ANKRD42: variants seen among roughly 807,000 people sequenced by gnomAD.
ANKRD42 encodes the protein ankyrin repeat domain 42, also known as ankyrin repeat domain-containing protein 42.
Under a neutral mutation model 51.5 loss-of-function variants are expected in ANKRD42, and 43 were observed. The ratio of observed to expected loss-of-function variants is 0.83; its 90% CI spans 0.65 to 1.08. The LOEUF is 1.08. Ranked by LOEUF, ANKRD42 falls within the 50% of genes least tolerant of loss-of-function variation. ANKRD42 has a pLI of 0.00. For synonymous variants in ANKRD42, 203 were observed against 213.0 expected, an observed-to-expected ratio of 0.95 and a Z score of 0.41; for missense variants, 608 against 629.3, an observed-to-expected ratio of 0.97 and a Z score of 0.36.
Position 83,194,659 on chromosome 11 carries a change from A to G in ANKRD42, c.-12A>G. 6.2e-7 allele frequency: 1 copy of G among 1,613,800 alleles called. No individual in the cohort carries two copies. Among genetic ancestry groups the G allele is most frequent in the Non-Finnish European group, 8.5e-7 (1 of 1,179,966 alleles). On this transcript the variant is annotated 5_prime_UTR_variant, in exon 1 of 11. Transcript: ENST00000533342. ...GGACTCAACTCCTCCCCAGAGTCGG[A>G]GGTGTTGCGCCATGCCCGGGGTGGC...
At chr11:83,242,488 TGGCTATGAGGTGTTAGAAAAAGAG>T (rs1230358220) in intron 9 of ANKRD42, among the ~76,000 whole-genome samples, 1 of 151,126 alleles carries the variant, frequency 6.6e-6, no homozygotes, top group Non-Finnish European at 1.5e-5. Context: ...CTGATAGATG[TGGCTATGAGGTGTTAGAAAAAGAG>T]GGTAATCAAG....
chr11:83,214,564 G>A lies in ANKRD42; in HGVS notation c.586+3134G>A, dbSNP rs147489842. 202 of 982,752 alleles carry A rather than the reference G, an allele frequency of 2.1e-4. No individual in the cohort carries two copies. In the African/African-American group the frequency reaches 3.3e-3, roughly 16 times the overall value. 60.9% of individuals were successfully genotyped at this position (982,752 alleles called of 1,614,324 possible). On this transcript the variant is annotated intron_variant, in intron 5 of 10. Coordinates refer to ENST00000533342, the MANE Select transcript of ANKRD42 (RefSeq NM_001300975.2). ...GTGGCCTTAGGTCTAGACTGCTTGT[G>A]TTCAAATCGCTCTCATAAAATTATT...
At chr11:83,211,559 G>A in intron 5 of ANKRD42, 129 bp downstream of exon 5, 1 of 1,043,240 alleles carries the variant, frequency 9.6e-7, no homozygotes, top group Non-Finnish European at 1.4e-6. Flanking sequence ...CACTTTGAGA[G>A]GCTGAGGCTG....
At chr11:83,209,955 A>G (rs1590972010) in intron 3 of ANKRD42, 2 of 366,664 alleles carry the variant, frequency 5.5e-6, no homozygotes, top group Non-Finnish European at 1.0e-5. Flanking sequence ...TGTTACAGGG[A>G]TCATGTAAAC....
downstream of ANKRD42, chr11:83,261,576 A>G (rs920557053): frequency 2.8e-5 from 5 of 177,252 alleles, no homozygotes; most frequent in African/African-American, 1.2e-4. Context: ...ACCAATACCC[A>G]CAAAATCCTG....
At chr11:83,247,219 CCTA>C (rs1350660016) in intron 10 of ANKRD42, among the ~76,000 whole-genome samples, 1 of 151,698 alleles carries the variant, frequency 6.6e-6, no homozygotes, top group East Asian at 1.9e-4. Flanking sequence ...AAAATTATTT[CCTA>C]CTAATGACTT....
In ANKRD42 at chr11:83,206,099, C is replaced by T. The variant is rs746607872; in HGVS notation, c.264C>T (p.His88=). The T allele has an allele frequency of 5.1e-5, 83 of 1,613,886 alleles. No individual in the cohort carries two copies. The Admixed American group carries it at 9.3e-4, about 18-fold the overall frequency. The change falls in exon 3 of 11, where the codon CAC becomes CAT. Residue 88 remains histidine, a synonymous_variant. Transcript: ENST00000533342. ...TCTGGCATGGAGCTGATATCACACACGTAACAACGAGAGGTTGGACAGCAT... is the reference window on the plus strand; with the variant it reads ...TCTGGCATGGAGCTGATATCACACATGTAACAACGAGAGGTTGGACAGCAT... ...WLLWHGADIT[H]VTTRGWTASH... is the part of the protein sequence containing the mutation.
intron 7 of ANKRD42, among the ~76,000 whole-genome samples, chr11:83,228,232 T>TG (rs1491391593): frequency 4.3e-4 from 5 of 11,512 alleles, no homozygotes; most frequent in African/African-American, 6.6e-4. Context: ...TCTCTCTCTC[T>TG]TTTTTTTTTT....
chr11:83,201,173 C>G (rs182428839), intron 2 of ANKRD42, among the ~76,000 whole-genome samples: 1 of 152,270 alleles, frequency 6.6e-6, no homozygotes, highest in Non-Finnish European at 1.5e-5. Flanking sequence ...CGACAGGCCC[C>G]AGTGTGTGAT....
chr11:83,251,307 G>A (rs1348199789), downstream of ANKRD42, among the ~76,000 whole-genome samples: 3 of 152,114 alleles, frequency 2.0e-5, no homozygotes, highest in Middle Eastern at 3.4e-3. Context: ...AGGGCTTCTC[G>A]TCATCTGTAT....
chr11:83,245,605 G>C lies in ANKRD42; in HGVS notation c.1303G>C (p.Glu435Gln). Residue 435 changes from glutamate (E) to glutamine (Q), a missense_variant, in exon 10 of 11, where the codon GAA (glutamate) becomes CAA (glutamine). Transcript: ENST00000533342. ...ITEEDLKQKK[E>Q]QLESEKTIKE... is the part of the protein sequence containing the mutation. ...AGAAGAAGATTTAAAGCAGAAGAAA[G>C]AACAGCTTGAGTCTGAAAAGTAATG... is the stretch of plus-strand genomic sequence containing the variant. 1 of 1,536,308 alleles carries C rather than the reference G, an allele frequency of 6.5e-7. No homozygotes were observed. The highest frequency in any genetic ancestry group is 8.7e-7 in the Non-Finnish European group (1 of 1,146,906).
At chr11:83,237,798 A>G (rs919541326) in intron 8 of ANKRD42, among the ~76,000 whole-genome samples, 2 of 152,214 alleles carry the variant, frequency 1.3e-5, no homozygotes, top group African/African-American at 4.8e-5. Flanking sequence ...ATGTATGCGT[A>G]TCCTGTGAAA....
Position 83,248,912 on chromosome 11 carries a change from T to C in ANKRD42, c.*708T>C. 1.0e-5 allele frequency: 10 copies of C among 982,090 alleles called. No individual in the cohort carries two copies. The highest frequency in any genetic ancestry group is 1.2e-5 in the Non-Finnish European group (10 of 826,874). 60.8% of individuals were successfully genotyped at this position (982,090 alleles called of 1,614,324 possible). A position where few individuals can be genotyped will look rare whatever the true frequency, so the allele number is the denominator to read the frequency against. On this transcript the variant is annotated 3_prime_UTR_variant, in exon 11 of 11. Coordinates refer to ENST00000533342, the MANE Select transcript of ANKRD42 (RefSeq NM_001300975.2). The stretch of plus-strand genomic sequence containing the variant: ...AATATAACCACTTCCTCAGTTTCTC[T>C]GGGTTTTGGTGTCTCACCAGTGGTT...
At chr11:83,255,373 G>C (rs1390021982) in intron 11 of ANKRD42, among the ~76,000 whole-genome samples, 2 of 152,186 alleles carry the variant, frequency 1.3e-5, no homozygotes, top group Non-Finnish European at 2.9e-5. Flanking sequence ...AATGAGACTA[G>C]AGCAGTAGAG....
chr11:83,228,231 C>T lies in ANKRD42; in HGVS notation c.913+359C>T, dbSNP rs943795239. On this transcript the variant is annotated intron_variant, in intron 7 of 10. Coordinates refer to ENST00000533342, the MANE Select transcript of ANKRD42 (RefSeq NM_001300975.2). ...AAATAGAAATCATCCCTCTCTCTCT[C>T]TTTTTTTTTTTTTTTTTTTTTTTTT... 3.9e-3 allele frequency among the ~76,000 whole-genome samples: 231 copies of T among 58,968 alleles called. 3 individuals carry two copies. The highest frequency in any genetic ancestry group is 9.6e-3 in the African/African-American group (155 of 16,080). 38.7% of individuals were successfully genotyped at this position (58,968 alleles called of 152,430 possible).
intron 7 of ANKRD42, among the ~76,000 whole-genome samples, chr11:83,229,365 AGGGG>A (rs1256845072): frequency 6.6e-6 from 1 of 152,050 alleles, no homozygotes; most frequent in African/African-American, 2.4e-5. Context: ...ATGAATTTTG[AGGGG>A]AACACAATTC....
intron 8 of ANKRD42, among the ~76,000 whole-genome samples, chr11:83,240,062 A>C (rs1863342232): frequency 6.6e-6 from 1 of 152,216 alleles, no homozygotes; most frequent in Non-Finnish European, 1.5e-5. Flanking sequence ...AATAGGATTT[A>C]AGGTTTTTAT....
chr11:83,214,428 T>C (rs1263299629), intron 5 of ANKRD42: 1 of 982,046 alleles, frequency 1.0e-6, no homozygotes. Flanking sequence ...TGATCATTTT[T>C]GTTGGTCTTG....
chr11:83,216,186 T>A (rs1328346381), intron 5 of ANKRD42, among the ~76,000 whole-genome samples: 1 of 152,194 alleles, frequency 6.6e-6, no homozygotes, highest in East Asian at 1.9e-4. Flanking sequence ...CATACTGGAG[T>A]TATCACACAC....
Sources: gnomAD v4.1 joint callset for allele counts (sites outside exome capture counted in the v4.1 genomes callset) on GRCh38, gnomAD v4.1.1 for gene constraint, MANE v1.5 for transcripts, NCBI Gene and HGNC (gene_info 2026-07-23, HGNC 2026-07-21) for gene names.